The following SFMBT2 variants were observed in gnomAD, a reference collection of about 807,000 sequenced individuals.
SFMBT2 encodes scm-like with four MBT domains protein 2.
Under a neutral mutation model 110.1 loss-of-function variants are expected in SFMBT2, and 38 were observed. The observed-to-expected ratio is 0.35, with a 90% CI of 0.27 to 0.45. SFMBT2 has a LOEUF of 0.45. Ranked by LOEUF, SFMBT2 falls within the 20% of genes least tolerant of loss-of-function variation. SFMBT2 has a pLI of 1.00. For synonymous variants in SFMBT2, 425 were observed against 425.4 expected (o/e 1.00, Z 0.01); for missense variants, 1,011 against 1,094.9 (o/e 0.92, Z 1.08).
intron 9 of SFMBT2, among the ~76,000 whole-genome samples, chr10:7,231,554 T>C (rs1001334895): frequency 2.0e-5 from 3 of 152,346 alleles, no homozygotes; most frequent in Middle Eastern, 3.4e-3. Context: ...TAAAATGTCA[T>C]GCCTCGTGTT....
intron 7 of SFMBT2, among the ~76,000 whole-genome samples, chr10:7,274,129 C>T (rs879337773): frequency 6.6e-6 from 1 of 152,184 alleles, no homozygotes; most frequent in Non-Finnish European, 1.5e-5. Context: ...ATGTGACCTC[C>T]AGTACTGAGA....
At chr10:7,376,987 G>A (rs1488623128) in intron 2 of SFMBT2, among the ~76,000 whole-genome samples, 2 of 151,166 alleles carry the variant, frequency 1.3e-5, no homozygotes, top group African/African-American at 2.4e-5. Context: ...TGGCTAACAT[G>A]GTGAAACCCC....
chr10:7,167,554 C>T (rs1837729661), intron 20 of SFMBT2, among the ~76,000 whole-genome samples: 1 of 152,174 alleles, frequency 6.6e-6, no homozygotes, highest in Non-Finnish European at 1.5e-5. Flanking sequence ...CTCTGGGTTC[C>T]TTCTAGCTCA....
intron 16 of SFMBT2, 103 bp downstream of exon 16, chr10:7,188,521 G>T: frequency 3.5e-6 from 3 of 861,120 alleles, no homozygotes; most frequent in Non-Finnish European, 3.6e-6. Context: ...CCTTCAGTTT[G>T]TTCCATTTCT....
intron 4 of SFMBT2, among the ~76,000 whole-genome samples, chr10:7,317,259 G>A (rs542390612): frequency 4.0e-5 from 6 of 151,712 alleles, no homozygotes; most frequent in Admixed American, 2.6e-4. Context: ...CTCATCATTC[G>A]AAAATAGAGG....
At chr10:7,339,595 CT>C (rs1193250348) in intron 4 of SFMBT2, among the ~76,000 whole-genome samples, 1 of 152,182 alleles carries the variant, frequency 6.6e-6, no homozygotes, top group Admixed American at 6.5e-5. Context: ...TTCATCACCC[CT>C]AAGCCTTATA....
intron 14 of SFMBT2, among the ~76,000 whole-genome samples, chr10:7,198,396 C>T (rs1218995269): frequency 1.3e-5 from 2 of 152,210 alleles, no homozygotes; most frequent in Non-Finnish European, 2.9e-5. Context: ...ACGTGGGCAA[C>T]AGAGTCTTGC....
intron 2 of SFMBT2, among the ~76,000 whole-genome samples, chr10:7,374,908 T>C (rs1845159189): frequency 6.6e-6 from 1 of 152,184 alleles, no homozygotes; most frequent in Non-Finnish European, 1.5e-5. Context: ...GACATTTCAA[T>C]GAGCAATAGA....
At chr10:7,246,325 T>C (rs915031078) in intron 8 of SFMBT2, 2 of 211,622 alleles carry the variant, frequency 9.5e-6, no homozygotes, top group African/African-American at 4.7e-5. Flanking sequence ...TCTATTCAGC[T>C]AGAAAAAGAG....
intron 7 of SFMBT2, among the ~76,000 whole-genome samples, chr10:7,273,474 T>C (rs1276803610): frequency 2.0e-5 from 3 of 152,302 alleles, no homozygotes; most frequent in South Asian, 2.1e-4. Context: ...ATTTTTTTAA[T>C]GTATTTTTTT....
chr10:7,195,338 G>A (rs769209658), intron 15 of SFMBT2, among the ~76,000 whole-genome samples: 9 of 152,084 alleles, frequency 5.9e-5, no homozygotes, highest in South Asian at 2.1e-4. Flanking sequence ...ACCACACTGC[G>A]GAGCCCTTCC....
At position 7,205,216 on chromosome 10, in the gene SFMBT2, G is replaced by A. The variant is rs192063455; in HGVS notation, c.1444+599C>T. On this transcript the variant is annotated intron_variant, in intron 12 of 20. Coordinates refer to ENST00000397167, the MANE Select transcript of SFMBT2 (RefSeq NM_001387889.1). ...TCCCACCTCAGCCTCCAGAGTAGCT[G>A]GAGACACGTGTCACTCTGCTTGACT... 136 of 214,004 alleles carry A rather than the reference G, an allele frequency of 6.4e-4. 1 individual carries two copies. Among genetic ancestry groups the A allele is most frequent in the African/African-American group, 3.1e-3 (132 of 42,590 alleles). 13.3% of individuals were successfully genotyped at this position (214,004 alleles called of 1,614,324 possible). A position where few individuals can be genotyped will look rare whatever the true frequency, so the allele number is the denominator to read the frequency against.
intron 9 of SFMBT2, among the ~76,000 whole-genome samples, chr10:7,238,010 G>T (rs1840310723): frequency 6.6e-6 from 1 of 152,214 alleles, no homozygotes; most frequent in Admixed American, 6.5e-5. Flanking sequence ...GTCGGGAGAT[G>T]ACGCTGGACA....
intron 1 of SFMBT2, among the ~76,000 whole-genome samples, chr10:7,403,559 T>G (rs966495822): frequency 6.6e-6 from 1 of 152,136 alleles, no homozygotes; most frequent in African/African-American, 2.4e-5. Flanking sequence ...GGAGAATTGC[T>G]TGAACCCAGG....
chr10:7,344,969 A>C (rs900546564), intron 4 of SFMBT2, among the ~76,000 whole-genome samples: 2 of 151,258 alleles, frequency 1.3e-5, no homozygotes, highest in Non-Finnish European at 2.9e-5. Flanking sequence ...AAAAAAAAAA[A>C]AAAAAAAAAA....
chr10:7,210,429 G>C (rs1839304910), intron 11 of SFMBT2, among the ~76,000 whole-genome samples: 1 of 152,174 alleles, frequency 6.6e-6, no homozygotes, highest in Admixed American at 6.5e-5. Context: ...GAGGGACCCA[G>C]GGCGAGGGAG....
At chr10:7,218,263 A>C (rs150900475) in intron 11 of SFMBT2, among the ~76,000 whole-genome samples, 1 of 152,338 alleles carries the variant, frequency 6.6e-6, no homozygotes, top group East Asian at 1.9e-4. Context: ...CCCAACATGG[A>C]GGAAAGGAAA....
chr10:7,203,132 G>A, intron 12 of SFMBT2: 1 of 981,328 alleles, frequency 1.0e-6, no homozygotes, highest in African/African-American at 1.7e-5. Context: ...TACTAACTTT[G>A]GCTCAGATAA....
At chr10:7,296,726 C>T (rs11815457) in intron 4 of SFMBT2, among the ~76,000 whole-genome samples, 2,089 of 152,302 alleles carry the variant, frequency 0.014, 62 homozygotes, top group African/African-American at 0.048. Flanking sequence ...GAATGCGACT[C>T]CGGATTTTTC....
Sources: allele counts gnomAD v4.1 joint callset (sites outside exome capture counted in the v4.1 genomes callset), GRCh38; gene constraint gnomAD v4.1.1; transcripts MANE v1.5; gene names NCBI Gene and HGNC (gene_info 2026-07-23, HGNC 2026-07-21).